The following CPNE4 variants were observed in gnomAD, a reference collection of about 807,000 sequenced individuals.
CPNE4 encodes the protein copine-4.
CPNE4 carries 25 observed loss-of-function variants against 67.9 expected under a neutral mutation model. The observed-to-expected ratio is 0.37, with a 90% CI of 0.27 to 0.51. The LOEUF (loss-of-function observed/expected upper bound fraction) is 0.51, where lower values mean the gene tolerates loss of function less well. Among genes scored for constraint, CPNE4 ranks in the 20% least tolerant of loss-of-function variants. CPNE4 has a pLI of 0.93. For synonymous variants in CPNE4, 242 were observed against 244.9 expected (o/e 0.99, Z 0.11); for missense variants, 464 against 690.8 (o/e 0.67, Z 3.68).
At chr3:131,689,267 A>C (rs1393561) in intron 5 of CPNE4, among the ~76,000 whole-genome samples, 142,285 of 152,248 alleles carry the variant, frequency 0.93, 66,884 homozygotes, top group Middle Eastern at 0.97. Context: ...GGACCTGGTG[A>C]ATGGGAAGTG....
intron 2 of CPNE4, among the ~76,000 whole-genome samples, chr3:131,809,002 G>A (rs1207067209): frequency 6.6e-6 from 1 of 152,130 alleles, no homozygotes; most frequent in East Asian, 1.9e-4. Flanking sequence ...ACATCTCTTT[G>A]GAGAGTGTAG....
intron 1 of CPNE4, among the ~76,000 whole-genome samples, chr3:132,016,545 A>G (rs1583601789): frequency 6.6e-6 from 1 of 152,186 alleles, no homozygotes; most frequent in Non-Finnish European, 1.5e-5. Flanking sequence ...CCAGGAGTGA[A>G]GAAGTCAGAG....
Position 131,696,562 on chromosome 3 carries a change from C to T in CPNE4, c.487G>A (p.Ala163Thr), listed in dbSNP as rs375570121. 7.4e-6 allele frequency: 12 copies of T among 1,613,836 alleles called. No homozygotes were observed. Among genetic ancestry groups the T allele is most frequent in the Non-Finnish European group, 1.0e-5 (12 of 1,179,898 alleles). Residue 163 changes from alanine to threonine, a missense_variant, in exon 5 of 16, where the codon GCA (alanine) becomes ACA (threonine). This residue lies in a region of CPNE4 where 170 missense variants were observed against 203.3 expected (regional missense o/e 0.84). Transcript: ENST00000429747. ...TTTACCTTGTCATCCAATTTCCGTG[C>T]ATTGAATGCAAGCTCAACATAGTCG... is the stretch of plus-strand genomic sequence containing the variant. ...NDDYVELAFN[A>T]RKLDDKDFFS...
At chr3:131,537,772 A>G (rs1353248116) in intron 15 of CPNE4, 1 of 158,370 alleles carries the variant, frequency 6.3e-6, no homozygotes. Context: ...ATCATTATGT[A>G]GGAAGAGCAA....
At chr3:131,668,197 C>G (rs996329046) in intron 7 of CPNE4, among the ~76,000 whole-genome samples, 7 of 152,126 alleles carry the variant, frequency 4.6e-5, no homozygotes, top group Non-Finnish European at 1.0e-4. Flanking sequence ...TGGATTTAAG[C>G]AAAGACATAT....
At chr3:131,598,965 G>C (rs980479667) in intron 7 of CPNE4, among the ~76,000 whole-genome samples, 1 of 151,432 alleles carries the variant, frequency 6.6e-6, no homozygotes, top group African/African-American at 2.4e-5. Context: ...AATTGGGTCA[G>C]AAAGGTAAAA....
chr3:131,903,470 T>C (rs2088626794), intron 2 of CPNE4, among the ~76,000 whole-genome samples: 1 of 151,742 alleles, frequency 6.6e-6, no homozygotes, highest in African/African-American at 2.4e-5. Flanking sequence ...GATTTTTAAA[T>C]AAACAAAAAA....
At chr3:132,001,814 A>G (rs961688094) in intron 1 of CPNE4, among the ~76,000 whole-genome samples, 2 of 152,076 alleles carry the variant, frequency 1.3e-5, no homozygotes, top group African/African-American at 4.8e-5. Context: ...ATCCATATCC[A>G]CTGAGTCCCT....
intron 1 of CPNE4, among the ~76,000 whole-genome samples, chr3:132,015,517 A>T (rs2073871220): frequency 6.6e-6 from 1 of 151,500 alleles, no homozygotes; most frequent in African/African-American, 2.4e-5. Flanking sequence ...ATACACACTC[A>T]CACACACACA....
At chr3:131,961,596 C>T (rs547256143) in intron 1 of CPNE4, among the ~76,000 whole-genome samples, 3 of 152,232 alleles carry the variant, frequency 2.0e-5, no homozygotes, top group East Asian at 1.9e-4. Context: ...CAATATATTA[C>T]CCCCTTACAA....
chr3:131,978,201 T>C (rs1443319855), intron 1 of CPNE4, among the ~76,000 whole-genome samples: 7 of 53,436 alleles, frequency 1.3e-4, no homozygotes, highest in South Asian at 4.8e-4. Flanking sequence ...TTTATAATTA[T>C]TATATATAAT....
chr3:131,539,225 C>T (rs1438957393), intron 15 of CPNE4, among the ~76,000 whole-genome samples: 1 of 152,174 alleles, frequency 6.6e-6, no homozygotes, highest in African/African-American at 2.4e-5. Flanking sequence ...CTTCCTTGGT[C>T]ATTCACAGAG....
intron 2 of CPNE4, among the ~76,000 whole-genome samples, chr3:131,744,109 T>G (rs1195739492): frequency 4.0e-5 from 6 of 151,850 alleles, no homozygotes; most frequent in African/African-American, 1.2e-4. Flanking sequence ...GCAGATATAT[T>G]TTTTAAAATA....
intron 2 of CPNE4, among the ~76,000 whole-genome samples, chr3:131,833,383 C>T (rs1041865390): frequency 6.6e-6 from 1 of 152,090 alleles, no homozygotes; most frequent in African/African-American, 2.4e-5. Context: ...AGGGCTGGCC[C>T]AAAGTATCAT....
At chr3:131,681,117 G>A (rs9876228) in intron 6 of CPNE4, among the ~76,000 whole-genome samples, 81,905 of 152,030 alleles carry the variant, frequency 0.54, 22,461 homozygotes, top group East Asian at 0.8. Flanking sequence ...AAATTGTGCT[G>A]CTATAAACAT....
intron 2 of CPNE4, among the ~76,000 whole-genome samples, chr3:131,735,196 C>A (rs1377776258): frequency 6.6e-6 from 1 of 152,148 alleles, no homozygotes; most frequent in South Asian, 2.1e-4. Context: ...AAAAGCAACC[C>A]TATGGAACTA....
intron 1 of CPNE4, among the ~76,000 whole-genome samples, chr3:131,940,164 A>C (rs1422501700): frequency 3.3e-5 from 5 of 152,134 alleles, no homozygotes; most frequent in African/African-American, 1.2e-4. Context: ...AGGCATTATG[A>C]TAATTTATAT....
At chr3:131,602,371 T>C (rs1939254277) in intron 7 of CPNE4, among the ~76,000 whole-genome samples, 1 of 152,096 alleles carries the variant, frequency 6.6e-6, no homozygotes, top group East Asian at 1.9e-4. Context: ...AGTAGGCAAA[T>C]ACAGTCCTAA....
upstream of CPNE4, chr3:132,035,463 G>A (rs560666551): frequency 6.6e-6 from 1 of 152,312 alleles, no homozygotes; most frequent in Non-Finnish European, 1.5e-5. Flanking sequence ...TTTTTAGTAA[G>A]TAATGCATGA....
Sources: gnomAD v4.1 joint callset for allele counts (sites outside exome capture counted in the v4.1 genomes callset) on GRCh38, gnomAD v4.1.1 for gene constraint, gnomAD v4.1.1 regional missense constraint, MANE v1.5 for transcripts, NCBI Gene and HGNC (gene_info 2026-07-23, HGNC 2026-07-21) for gene names.